The following SEPTIN6 variants were observed in gnomAD, a reference collection of about 807,000 sequenced individuals.
SEPTIN6 encodes septin-6.
Under a neutral mutation model 33.6 loss-of-function variants are expected in SEPTIN6, and 8 were observed. The ratio of observed to expected loss-of-function variants is 0.24; its 90% CI spans 0.14 to 0.43. The LOEUF (loss-of-function observed/expected upper bound fraction) is 0.43, where lower values mean the gene tolerates loss of function less well. SEPTIN6 is among the 20% of genes least tolerant of loss of function. SEPTIN6 has a pLI of 1.00. For missense variants in SEPTIN6, 250 were observed against 340.8 expected (o/e 0.73, Z 2.10); for synonymous variants, 131 against 140.0 (o/e 0.94, Z 0.45).
chrX:119,647,483 C>CTCTTTTT (rs376139472), intron 5 of SEPTIN6, among the ~76,000 whole-genome samples: 1 of 74,409 alleles, frequency 1.3e-5, no homozygotes, highest in Non-Finnish European at 2.4e-5. Flanking sequence ...TTCTCTCTCT[C>CTCTTTTT]TTTTTTTTTT....
chrX:119,671,432 C>T (rs944046935), intron 2 of SEPTIN6, among the ~76,000 whole-genome samples: 4 of 108,573 alleles, frequency 3.7e-5, no homozygotes, highest in South Asian at 4.2e-4. Flanking sequence ...GGACTACAGG[C>T]GCCCGCCACC....
chrX:119,666,052 A>C lies in SEPTIN6; in HGVS notation c.146-2375T>G, dbSNP rs1406593595. ...AGCTGAGATCGCGCCACTGCACTCC[A>C]GCCTGGGCGACAGAGTGAGACTCCA... On this transcript the variant is annotated intron_variant, in intron 2 of 10. Transcript: ENST00000394610. Among the ~76,000 whole-genome samples the C allele has an allele frequency of 7.6e-5, 8 of 105,487 alleles. No individual in the cohort carries two copies. The East Asian group carries it at 2.4e-3, about 32-fold the overall frequency. 91.6% of individuals were successfully genotyped at this position (105,487 alleles called of 115,157 possible).
At chrX:119,644,379 G>A (rs1378657743) in intron 5 of SEPTIN6, among the ~76,000 whole-genome samples, 1 of 108,290 alleles carries the variant, frequency 9.2e-6, no homozygotes, top group Admixed American at 1.0e-4. Context: ...ACCTGAGACT[G>A]AGTAATTTAT....
chrX:119,668,664 G>A (rs1376509047), intron 2 of SEPTIN6, among the ~76,000 whole-genome samples: 1 of 111,408 alleles, frequency 9.0e-6, no homozygotes, highest in Non-Finnish European at 1.9e-5. Flanking sequence ...TCTATAAAAT[G>A]TGGAGGGGCC....
At chrX:119,657,466 C>T (rs920874398) in intron 3 of SEPTIN6, among the ~76,000 whole-genome samples, 11 of 110,857 alleles carry the variant, frequency 9.9e-5, no homozygotes, top group Non-Finnish European at 1.9e-4. Flanking sequence ...TCCTTGTCCC[C>T]CTCTAGACAT....
intron 3 of SEPTIN6, among the ~76,000 whole-genome samples, chrX:119,662,729 G>A (rs1486276551): frequency 8.9e-6 from 1 of 112,325 alleles, no homozygotes; most frequent in South Asian, 3.6e-4. Flanking sequence ...AAAATAATAC[G>A]ACATTGTGAT....
intron 2 of SEPTIN6, among the ~76,000 whole-genome samples, chrX:119,665,173 G>A (rs61623758): frequency 1.9e-5 from 2 of 104,830 alleles, no homozygotes; most frequent in African/African-American, 7.1e-5. Flanking sequence ...GCGCAATCTC[G>A]GCTCACTGCA....
chrX:119,647,263 G>A (rs779652076), intron 5 of SEPTIN6, among the ~76,000 whole-genome samples: 1 of 108,454 alleles, frequency 9.2e-6, no homozygotes, highest in African/African-American at 3.4e-5. Context: ...TAGGATGCAA[G>A]GGAGTAAGTG....
intron 10 of SEPTIN6, among the ~76,000 whole-genome samples, chrX:119,625,013 C>T (rs1053424601): frequency 2.7e-5 from 3 of 111,332 alleles, no homozygotes; most frequent in Non-Finnish European, 5.6e-5. Flanking sequence ...GCGTCCGGCC[C>T]GATTATGGCT....
At chrX:119,659,784 C>G (rs2054507331) in intron 3 of SEPTIN6, among the ~76,000 whole-genome samples, 1 of 112,051 alleles carries the variant, frequency 8.9e-6, no homozygotes, top group Non-Finnish European at 1.9e-5. Flanking sequence ...GAACCCAGGT[C>G]TGAGACCAAA....
Position 119,650,020 on chromosome X carries a change from T to C in SEPTIN6, c.607A>G (p.Ser203Gly). The C allele has an allele frequency of 8.3e-7, 1 of 1,211,349 alleles. No individual in the cohort carries two copies. Among genetic ancestry groups the C allele is most frequent in the South Asian group, 1.8e-5 (1 of 56,989 alleles). ...ELTKFKIKIT[S>G]ELVSNGVQIY... ...TGGACTCCGTTGCTGACAAGCTCGC[T>C]GGTGATTTTGATTTTGAACTTTGTT... The change falls in exon 5 of 11, where the codon AGC becomes GGC. Residue 203 changes from serine (S) to glycine (G), a missense_variant. Physicochemically the swap from Ser to Gly is moderately conservative, Grantham distance 56. Transcript: ENST00000394610.
At chrX:119,648,517 CT>C (rs766206888) in intron 5 of SEPTIN6, among the ~76,000 whole-genome samples, 28 of 111,593 alleles carry the variant, frequency 2.5e-4, no homozygotes, top group African/African-American at 8.8e-4. Flanking sequence ...AAGTGCTAAT[CT>C]TTTTTATTTT....
intron 4 of SEPTIN6, among the ~76,000 whole-genome samples, chrX:119,652,595 AC>A (rs1406858716): frequency 9.0e-6 from 1 of 111,717 alleles, no homozygotes; most frequent in Middle Eastern, 4.3e-3. Context: ...TTGCCCCTAG[AC>A]CCAGGGAGCC....
At chrX:119,666,473 A>C (rs2054641231) in intron 2 of SEPTIN6, among the ~76,000 whole-genome samples, 1 of 112,076 alleles carries the variant, frequency 8.9e-6, no homozygotes, top group Non-Finnish European at 1.9e-5. Flanking sequence ...GCCTTTTAAA[A>C]TATCTGTGTA....
At chrX:119,616,820 G>A (rs765013561), downstream of SEPTIN6, 2 of 1,074,849 alleles carry the variant, frequency 1.9e-6, no homozygotes, top group Non-Finnish European at 2.5e-6. Context: ...ACAGGGGGAG[G>A]GGAATGGGCA....
In SEPTIN6 at chrX:119,617,640, C is replaced by G; in HGVS notation, c.*2453G>C. 3 of 804,377 alleles carry G rather than the reference C, an allele frequency of 3.7e-6. No individual in the cohort carries two copies. Among genetic ancestry groups the G allele is most frequent in the Non-Finnish European group, 4.5e-6 (3 of 669,712 alleles). 66.3% of individuals were successfully genotyped at this position (804,377 alleles called of 1,213,427 possible). On this transcript the variant is annotated 3_prime_UTR_variant, in exon 11 of 11. Coordinates refer to ENST00000394610, the MANE Select transcript of SEPTIN6 (RefSeq NM_145799.4). ...TCTGAACATCAAAAGACCTCGTATC[C>G]AGGAATGTAACGTATATAAACAGAT...
intron 9 of SEPTIN6, 75 bp downstream of exon 9, chrX:119,629,243 A>G: frequency 9.6e-7 from 1 of 1,041,070 alleles, no homozygotes; most frequent in Admixed American, 2.4e-5. Flanking sequence ...CAGCCCCTTC[A>G]GGTGCCACGT....
chrX:119,680,787 C>T (rs1291142739), intron 1 of SEPTIN6, among the ~76,000 whole-genome samples: 3 of 108,343 alleles, frequency 2.8e-5, no homozygotes, highest in Middle Eastern at 4.6e-3. Context: ...TTAAGACCAG[C>T]CTTGCCAACA....
intron 2 of SEPTIN6, among the ~76,000 whole-genome samples, chrX:119,666,579 G>A (rs1374612845): frequency 9.0e-6 from 1 of 111,351 alleles, no homozygotes; most frequent in Non-Finnish European, 1.9e-5. Context: ...AGAACAAGGA[G>A]AACATTCAAT....
Sources: allele counts gnomAD v4.1 joint callset (sites outside exome capture counted in the v4.1 genomes callset), GRCh38; gene constraint gnomAD v4.1.1; transcripts MANE v1.5; gene names NCBI Gene and HGNC (gene_info 2026-07-23, HGNC 2026-07-21).